PIK3C2G: variants seen among roughly 807,000 people sequenced by gnomAD.
The protein encoded by PIK3C2G is phosphatidylinositol 3-kinase C2 domain-containing subunit gamma.
A neutral mutation model predicts 181.1 loss-of-function variants in PIK3C2G; 168 were observed. The ratio of observed to expected loss-of-function variants is 0.93; its 90% CI spans 0.82 to 1.05. The LOEUF (loss-of-function observed/expected upper bound fraction) is 1.05. Ranked by LOEUF, PIK3C2G falls within the 50% of genes least tolerant of loss-of-function variation. The pLI is 0.00. For missense variants in PIK3C2G, 1,869 were observed against 1,732.8 expected (o/e 1.08, Z -1.40); for synonymous variants, 573 against 592.2 (o/e 0.97, Z 0.47).
intron 11 of PIK3C2G, among the ~76,000 whole-genome samples, chr12:18,354,664 A>G (rs1246553574): frequency 6.6e-6 from 1 of 152,216 alleles, no homozygotes; most frequent in Admixed American, 6.5e-5. Flanking sequence ...AATTTGGCCA[A>G]ACCTTTGTGC....
chr12:18,500,485 C>T (rs1355747016), intron 22 of PIK3C2G, among the ~76,000 whole-genome samples: 1 of 152,204 alleles, frequency 6.6e-6, no homozygotes, highest in African/African-American at 2.4e-5. Context: ...CCCCCTGCTC[C>T]ACGGCGCCCA....
chr12:18,636,659 T>C (rs1312548081), intron 31 of PIK3C2G, among the ~76,000 whole-genome samples: 8 of 152,082 alleles, frequency 5.3e-5, no homozygotes, highest in Non-Finnish European at 8.8e-5. Context: ...GCAATTGGAG[T>C]TATCACTTGG....
At chr12:18,383,805 T>G (rs1270798460) in intron 14 of PIK3C2G, among the ~76,000 whole-genome samples, 1 of 151,108 alleles carries the variant, frequency 6.6e-6, no homozygotes, top group Non-Finnish European at 1.5e-5. Context: ...TGGTTTGGGT[T>G]TGGGTGTTTT....
intron 18 of PIK3C2G, among the ~76,000 whole-genome samples, chr12:18,439,673 T>G (rs2135815185): frequency 6.6e-6 from 1 of 152,152 alleles, no homozygotes; most frequent in East Asian, 1.9e-4. Flanking sequence ...TTTCTTTATC[T>G]CCACTAAACC....
intron 24 of PIK3C2G, among the ~76,000 whole-genome samples, chr12:18,515,866 T>C (rs1235966450): frequency 2.0e-5 from 3 of 152,044 alleles, no homozygotes; most frequent in Non-Finnish European, 2.9e-5. Context: ...ATTTCCCTCA[T>C]AGAACTGCTT....
At chr12:18,570,395 G>A (rs995897204) in intron 29 of PIK3C2G, among the ~76,000 whole-genome samples, 2 of 147,438 alleles carry the variant, frequency 1.4e-5, no homozygotes, top group South Asian at 2.1e-4. Flanking sequence ...TTTTAATAGA[G>A]ACGGGGTTTT....
intron 13 of PIK3C2G, among the ~76,000 whole-genome samples, chr12:18,375,050 G>T (rs1360862034): frequency 6.6e-6 from 1 of 152,214 alleles, no homozygotes; most frequent in Non-Finnish European, 1.5e-5. Context: ...GCCTAACCCA[G>T]AAAGTCGGTA....
At chr12:18,653,096 G>A (rs1434759089), downstream of PIK3C2G, among the ~76,000 whole-genome samples, 1 of 151,844 alleles carries the variant, frequency 6.6e-6, no homozygotes, top group East Asian at 1.9e-4. Flanking sequence ...AAAAAGCACA[G>A]GCTGGAAAAA....
At chr12:18,348,847 G>T (rs962905493) in intron 11 of PIK3C2G, among the ~76,000 whole-genome samples, 1 of 152,142 alleles carries the variant, frequency 6.6e-6, no homozygotes, top group Non-Finnish European at 1.5e-5. Context: ...TTTGCTGGGT[G>T]GATCTGGCTT....
At chr12:18,335,664 T>C (rs1218508451) in intron 8 of PIK3C2G, among the ~76,000 whole-genome samples, 1 of 152,150 alleles carries the variant, frequency 6.6e-6, no homozygotes, top group Non-Finnish European at 1.5e-5. Flanking sequence ...TTTCCAAAAT[T>C]TGGAAATGAA....
In PIK3C2G at chr12:18,562,839, A is replaced by G. The variant is rs781146652; in HGVS notation, c.3727A>G (p.Thr1243Ala). The G allele has an allele frequency of 1.9e-6, 3 of 1,607,544 alleles. No individual in the cohort carries two copies. The highest frequency in any genetic ancestry group is 1.1e-5 in the South Asian group (1 of 89,556). ...TCAGGAATCCTGTTTGCTGAGTACA[A>G]CTAGGTCGATTGAAAGAGCAACAAT... Reference protein sequence around the residue: ...FPQESCLLSTTRSIERATILG... With the variant: ...FPQESCLLSTARSIERATILG... The change falls in exon 27 of 33, where the codon ACT (threonine) becomes GCT (alanine). Residue 1243 changes from threonine to alanine, a missense_variant. By Grantham distance (58) the Thr-to-Ala change is moderately conservative (BLOSUM62 0). Coordinates refer to ENST00000538779, the MANE Select transcript of PIK3C2G (RefSeq NM_001288772.2).
intron 18 of PIK3C2G, among the ~76,000 whole-genome samples, chr12:18,437,179 T>C (rs912465485): frequency 5.9e-5 from 9 of 151,994 alleles, no homozygotes; most frequent in African/African-American, 1.9e-4. Context: ...ATTTTTTGTA[T>C]CTTTGTTCAT....
At chr12:18,290,046 C>G (rs1949622531) in intron 3 of PIK3C2G, among the ~76,000 whole-genome samples, 1 of 152,054 alleles carries the variant, frequency 6.6e-6, no homozygotes, top group South Asian at 2.1e-4. Flanking sequence ...GTGTATATTG[C>G]TTTATAATCT....
At chr12:18,575,474 T>C (rs1369056717) in intron 29 of PIK3C2G, among the ~76,000 whole-genome samples, 2 of 152,196 alleles carry the variant, frequency 1.3e-5, no homozygotes, top group Non-Finnish European at 2.9e-5. Flanking sequence ...ACATAGCAGG[T>C]ACTCAAGTAT....
chr12:18,618,910 G>A (rs573235483), intron 31 of PIK3C2G, among the ~76,000 whole-genome samples: 2 of 151,970 alleles, frequency 1.3e-5, no homozygotes, highest in Non-Finnish European at 2.9e-5. Flanking sequence ...GAACGTAGAG[G>A]AAAAAAGATT....
At chr12:18,526,225 C>A (rs930203985) in intron 24 of PIK3C2G, among the ~76,000 whole-genome samples, 22 of 152,054 alleles carry the variant, frequency 1.4e-4, no homozygotes, top group Non-Finnish European at 2.6e-4. Flanking sequence ...CACAGTGATC[C>A]AAATGATAGG....
the PIK3C2G span, chr12:18,701,806 C>A: frequency 6.4e-7 from 1 of 1,574,150 alleles, no homozygotes; most frequent in Non-Finnish European, 8.6e-7. Flanking sequence ...GATACAATTA[C>A]ACATTTACAA....
At chr12:18,454,560 G>C (rs1196329335) in intron 18 of PIK3C2G, among the ~76,000 whole-genome samples, 1 of 152,142 alleles carries the variant, frequency 6.6e-6, no homozygotes, top group Non-Finnish European at 1.5e-5. Context: ...TAAGGTGGCT[G>C]AGTATCTGAA....
intron 16 of PIK3C2G, among the ~76,000 whole-genome samples, chr12:18,406,826 A>C (rs546637474): frequency 1.3e-5 from 2 of 152,174 alleles, no homozygotes; most frequent in Admixed American, 6.5e-5. Flanking sequence ...AAAAATGTGG[A>C]AATTTCAGTA....
Sources: gnomAD v4.1 joint callset for allele counts (sites outside exome capture counted in the v4.1 genomes callset) on GRCh38, gnomAD v4.1.1 for gene constraint, MANE v1.5 for transcripts, NCBI Gene and HGNC (gene_info 2026-07-23, HGNC 2026-07-21) for gene names.